Variants in WDR62 observed in about 807,000 individuals in gnomAD.
The protein encoded by WDR62 is WD repeat-containing protein 62.
WDR62 carries 112 observed loss-of-function variants against 160.6 expected under a neutral mutation model. The ratio of observed to expected loss-of-function variants is 0.70; its 90% confidence interval spans 0.60 to 0.82. The LOEUF (loss-of-function observed/expected upper bound fraction) is 0.82. WDR62 is among the 40% of genes least tolerant of loss of function. WDR62 has a pLI of 0.00. For missense variants in WDR62, 1,819 were observed against 1,983.8 expected, an observed-to-expected ratio of 0.92 and a Z score of 1.58; for synonymous variants, 792 against 815.1, an observed-to-expected ratio of 0.97 and a Z score of 0.48.
intron 11 of WDR62, among the ~76,000 whole-genome samples, chr19:36,083,442 C>T (rs534761529): frequency 6.6e-6 from 1 of 152,320 alleles, no homozygotes; most frequent in South Asian, 2.1e-4. Flanking sequence ...AGAGTAACTA[C>T]CAGGACCTCA....
chr19:36,103,305 C>T, intron 29 of WDR62, 38 bp from the exon 30 acceptor site: 1 of 1,613,008 alleles, frequency 6.2e-7, no homozygotes, highest in Non-Finnish European at 8.5e-7. Flanking sequence ...GCCATCAGTT[C>T]TGTGTGGTGG....
At chr19:36,066,477 C>T (rs1325029716) in intron 5 of WDR62, 50 bp downstream of exon 5, 2 of 1,554,152 alleles carry the variant, frequency 1.3e-6, no homozygotes, top group Non-Finnish European at 1.7e-6. Flanking sequence ...GCCACAGCAT[C>T]CTATGTCTTG....
chr19:36,103,817 G>T lies in WDR62; in HGVS notation c.3989G>T (p.Ser1330Ile), dbSNP rs1330380413. Residue 1330 changes from serine (S) to isoleucine (I), a missense_variant, in exon 30 of 32, where the codon AGC becomes ATC. Around this residue, in one of 3 missense-constraint regions of WDR62, gnomAD observed 770 missense variants for 734.2 expected, o/e 1.05. Transcript: ENST00000401500. Reference sequence around the variant, plus strand: ...CCTGCAGTGAGCTTCCCAGCCCCTAGCCCTGTGGAAGAGAGCGCCCTGAGG... The same window carrying T: ...CCTGCAGTGAGCTTCCCAGCCCCTATCCCTGTGGAAGAGAGCGCCCTGAGG... Reference protein sequence around the residue: ...TVPAVSFPAPSPVEESALRLH... With the variant: ...TVPAVSFPAPIPVEESALRLH... 1.2e-6 allele frequency: 2 copies of T among 1,607,846 alleles called. No individual in the cohort carries two copies. Among genetic ancestry groups the T allele is most frequent in the Non-Finnish European group, 1.7e-6 (2 of 1,179,446 alleles).
chr19:36,096,886 T>C, intron 20 of WDR62, 141 bp from the exon 21 acceptor site: 2 of 770,854 alleles, frequency 2.6e-6, no homozygotes, highest in South Asian at 2.9e-5. Flanking sequence ...CGGTTTAAGT[T>C]TGCATTTCCC....
rs1369392335 is a variant in WDR62, at chr19:36,092,772, A to G, written c.2294A>G (p.Gln765Arg). 1.2e-6 allele frequency: 2 copies of G among 1,614,166 alleles called. No individual in the cohort carries two copies. Among genetic ancestry groups the G allele is most frequent in the South Asian group, 2.2e-5 (2 of 91,086 alleles). Reference sequence around the variant, plus strand: ...CTGGAGATTGACCACCGGCAGCAGCAGCAGCACACAAATGACAAGAAGCGG... The same window carrying G: ...CTGGAGATTGACCACCGGCAGCAGCGGCAGCACACAAATGACAAGAAGCGG... ...HLLEIDHRQQ[Q>R]QHTNDKKRSG... The change falls in exon 19 of 32, where the codon CAG (glutamine) becomes CGG (arginine). Residue 765 changes from glutamine to arginine, a missense_variant. Coordinates refer to ENST00000401500, the MANE Select transcript of WDR62 (RefSeq NM_001083961.2).
intron 9 of WDR62, 100 bp from the exon 10 acceptor site, chr19:36,081,333 G>A (rs1280867207): frequency 4.1e-6 from 6 of 1,445,878 alleles, no homozygotes; most frequent in Non-Finnish European, 4.8e-6. Context: ...CACGATACCT[G>A]TTTATCTTTA....
intron 30 of WDR62, among the ~76,000 whole-genome samples, 156 bp from the exon 31 acceptor site, chr19:36,104,362 T>C (rs1350609991): frequency 1.3e-5 from 2 of 151,856 alleles, no homozygotes; most frequent in Non-Finnish European, 2.9e-5. Flanking sequence ...GGAGGCTGCA[T>C]TGGAGCAGAG....
chr19:36,101,781 A>G lies in WDR62; in HGVS notation c.3082+7A>G. 3 of 1,550,790 alleles carry G rather than the reference A, an allele frequency of 1.9e-6. No homozygotes were observed. Among genetic ancestry groups the G allele is most frequent in the Non-Finnish European group, 1.7e-6 (2 of 1,146,414 alleles). ...TCGCTGCCCCATTTCCCAGGTAAGC[A>G]GGGGCCAGACACGCAGGGGACTCGC... On this transcript the variant is annotated splice_region_variant and intron_variant, in intron 25 of 31. Transcript: ENST00000401500.
intron 26 of WDR62, 23 bp from the exon 27 acceptor site, chr19:36,102,714 G>A (rs1030759665): frequency 6.2e-7 from 1 of 1,610,154 alleles, no homozygotes; most frequent in African/African-American, 1.3e-5. Flanking sequence ...GGTTATGAGG[G>A]TCCCCTCGGG....
chr19:36,110,305 T>A, the WDR62 span, among the ~76,000 whole-genome samples: 3 of 151,986 alleles, frequency 2.0e-5, no homozygotes, highest in Admixed American at 2.0e-4. Flanking sequence ...ACTCTGTCTC[T>A]ACCAAAAATA....
Position 36,068,011 on chromosome 19 carries a change from G to A in WDR62, c.882+1G>A. On this transcript the variant is annotated splice_donor_variant, in intron 7 of 31. Coordinates refer to ENST00000401500, the MANE Select transcript of WDR62 (RefSeq NM_001083961.2). LOFTEE classifies it high-confidence loss of function. Reference sequence around the variant, plus strand: ...GCTGGAGAAGTGGATCAACCTGAAGGTACCACCTCCCTCTCTGCCATCAGC... The same window carrying A: ...GCTGGAGAAGTGGATCAACCTGAAGATACCACCTCCCTCTCTGCCATCAGC... 6.2e-7 allele frequency: 1 copy of A among 1,613,158 alleles called. No homozygotes were observed. The highest frequency in any genetic ancestry group is 8.5e-7 in the Non-Finnish European group (1 of 1,179,552).
At chr19:36,091,025 T>C (rs558155331) in intron 16 of WDR62, among the ~76,000 whole-genome samples, 175 bp from the exon 17 acceptor site, 1 of 152,378 alleles carries the variant, frequency 6.6e-6, no homozygotes, top group Admixed American at 6.5e-5. Flanking sequence ...GCCTGGCTAC[T>C]GTTGTTACTG....
Position 36,102,775 on chromosome 19 carries a change from G to A in WDR62, c.3259G>A (p.Glu1087Lys), listed in dbSNP as rs1272465192. The A allele has an allele frequency of 6.2e-7, 1 of 1,614,106 alleles. No homozygotes were observed. The highest frequency in any genetic ancestry group is 8.5e-7 in the Non-Finnish European group (1 of 1,180,034). Residue 1087 changes from glutamate to lysine, a missense_variant, in exon 27 of 32, where the codon GAA becomes AAA. By Grantham distance (56) the Glu-to-Lys change is moderately conservative. This residue lies in a region of WDR62 where 770 missense variants were observed against 734.2 expected (regional missense o/e 1.05). Coordinates refer to ENST00000401500, the MANE Select transcript of WDR62 (RefSeq NM_001083961.2). ...PAALGDVEAS[E>K]AEDHFFNPRL... is the part of the protein sequence containing the mutation. ...AGCTCTGGGAGACGTGGAGGCCTCT[G>A]AAGCTGAAGACCACTTCTTCAACCC...
chr19:36,100,910 GA>G (rs781598968), intron 23 of WDR62, 35 bp downstream of exon 23: 1 of 1,613,786 alleles, frequency 6.2e-7, no homozygotes, highest in South Asian at 1.1e-5. Context: ...GCCTTAGTTG[GA>G]GGAACCCCCA....
At chr19:36,068,726 G>A (rs2145597238) in intron 7 of WDR62, among the ~76,000 whole-genome samples, 1 of 152,344 alleles carries the variant, frequency 6.6e-6, no homozygotes, top group Middle Eastern at 3.4e-3. Flanking sequence ...TCTTAGTACA[G>A]AACAAAATGA....
intron 7 of WDR62, among the ~76,000 whole-genome samples, chr19:36,069,726 C>G (rs1046929624): frequency 6.6e-6 from 1 of 152,252 alleles, no homozygotes; most frequent in South Asian, 2.1e-4. Context: ...AACGAGACTC[C>G]GTCTGCAATC....
Position 36,064,652 on chromosome 19 carries a change from G to A in WDR62, c.333-1306G>A, listed in dbSNP as rs569846943. ...GAGTGCAGCAGCACGATCTTGGCTT[G>A]CTGCAACCTCTGCCTCCCGGGTTCA... is the stretch of plus-strand genomic sequence containing the variant. On this transcript the variant is annotated intron_variant, in intron 3 of 31. Coordinates refer to ENST00000401500, the MANE Select transcript of WDR62 (RefSeq NM_001083961.2). 2.3e-3 allele frequency among the ~76,000 whole-genome samples: 352 copies of A among 151,482 alleles called. 6 individuals are homozygous for A. Among genetic ancestry groups the A allele is most frequent in the Non-Finnish European group, 2.9e-3 (200 of 67,888 alleles).
intron 7 of WDR62, among the ~76,000 whole-genome samples, chr19:36,069,444 A>G (rs1441554193): frequency 6.6e-6 from 1 of 151,538 alleles, no homozygotes; most frequent in Non-Finnish European, 1.5e-5. Context: ...GCGGCCGGGC[A>G]GAGACGCTCC....
rs145388761 is a variant in WDR62, at chr19:36,058,941, G to A, written c.269+70G>A. The A allele has an allele frequency of 4.7e-4, 609 of 1,290,032 alleles. 1 individual carries two copies. In the East Asian group the frequency reaches 0.012, roughly 26 times the overall value. The allele number at this position is 1,290,032 out of a possible 1,614,324, so 79.9% of individuals were successfully genotyped here. A position where few individuals can be genotyped will look rare whatever the true frequency, so the allele number is the denominator to read the frequency against. On this transcript the variant is annotated intron_variant, in intron 2 of 31. Coordinates refer to ENST00000401500, the MANE Select transcript of WDR62 (RefSeq NM_001083961.2). ...TGGAGCTTGGAACCTGAAGCCATCC[G>A]TAAATCGCTCTGAGCCTCATATTTT...
Sources: gnomAD v4.1 joint callset for allele counts (sites outside exome capture counted in the v4.1 genomes callset) on GRCh38, gnomAD v4.1.1 for gene constraint, gnomAD v4.1.1 regional missense constraint, MANE v1.5 for transcripts, NCBI Gene and HGNC (gene_info 2026-07-23, HGNC 2026-07-21) for gene names.